The following KIAA1671 variants were observed in gnomAD, a reference collection of about 807,000 sequenced individuals.
The protein encoded by KIAA1671 is KIAA1671.
Under a neutral mutation model 131.2 loss-of-function variants are expected in KIAA1671, and 52 were observed. That is an observed-to-expected ratio of 0.40 (90% CI 0.32 to 0.50). KIAA1671 has a LOEUF of 0.50. Ranked by LOEUF, KIAA1671 falls within the 20% of genes least tolerant of loss-of-function variation. The probability of loss-of-function intolerance (pLI) is 0.73; values close to 1 mark genes in which losing one functional copy is unlikely to be tolerated. For missense variants in KIAA1671, 2,360 were observed against 2,364.2 expected (o/e 1.00, Z 0.04); for synonymous variants, 1,003 against 961.6 (o/e 1.04, Z -0.80).
intron 6 of KIAA1671, among the ~76,000 whole-genome samples, chr22:25,151,530 C>T (rs1173969455): frequency 1.4e-5 from 2 of 147,060 alleles, no homozygotes; most frequent in Non-Finnish European, 3.0e-5. Context: ...TGCCTGGGTT[C>T]AAGCGATTCT....
At chr22:25,002,814 C>CT (rs1190537550) in intron 1 of KIAA1671, among the ~76,000 whole-genome samples, 1 of 151,848 alleles carries the variant, frequency 6.6e-6, no homozygotes, top group Non-Finnish European at 1.5e-5. Flanking sequence ...GGATCTCACT[C>CT]TGTTACCCAG....
chr22:25,069,617 T>A (rs1928699783), intron 6 of KIAA1671, among the ~76,000 whole-genome samples: 1 of 152,204 alleles, frequency 6.6e-6, no homozygotes, highest in South Asian at 2.1e-4. Flanking sequence ...CCAAGTCCCT[T>A]GACTTCTCTG....
At position 25,028,781 on chromosome 22, in the gene KIAA1671, C is replaced by T. The variant is rs1006595701; in HGVS notation, c.782C>T (p.Ala261Val). 9.7e-6 allele frequency: 15 copies of T among 1,551,230 alleles called. No individual in the cohort carries two copies. Among genetic ancestry groups the T allele is most frequent in the Admixed American group, 7.8e-5 (4 of 51,014 alleles). ...IQPQKPGPGA[A>V]ATVGKVPPTP... ...CCTCAGAAGCCAGGCCCCGGCGCAGCGGCCACAGTGGGCAAAGTGCCACCC... is the reference window on the plus strand; with the variant it reads ...CCTCAGAAGCCAGGCCCCGGCGCAGTGGCCACAGTGGGCAAAGTGCCACCC... Residue 261 changes from alanine to valine, a missense_variant, in exon 3 of 13, where the codon GCG becomes GTG. This residue lies in a region of KIAA1671 where 1,185 missense variants were observed against 1,126.2 expected (regional missense o/e 1.05). Coordinates refer to ENST00000358431, the MANE Select transcript of KIAA1671 (RefSeq NM_001145206.2).
In KIAA1671 at chr22:25,029,649, A is replaced by G. The variant is rs1053976002; in HGVS notation, c.1541+109A>G. 1.5e-4 allele frequency: 120 copies of G among 787,342 alleles called. No homozygotes were observed. In the African/African-American group the frequency reaches 2.0e-3, roughly 13 times the overall value. The allele number at this position is 787,342 out of a possible 1,614,324, so 48.8% of individuals were successfully genotyped here. A position where few individuals can be genotyped will look rare whatever the true frequency, so the allele number is the denominator to read the frequency against. ...CTTGTCACCCCCCCTCAGTTTACCC[A>G]TAGCCCAAGAGGAGGTAGTGGCAGT... On this transcript the variant is annotated intron_variant, in intron 3 of 12. Transcript: ENST00000358431.
chr22:25,151,242 A>G (rs1304674706), intron 6 of KIAA1671, among the ~76,000 whole-genome samples: 2 of 151,606 alleles, frequency 1.3e-5, no homozygotes, highest in Non-Finnish European at 2.9e-5. Flanking sequence ...TCCCCTGGAA[A>G]TGATCCTTAT....
intron 1 of KIAA1671, among the ~76,000 whole-genome samples, chr22:24,954,918 T>C (rs1390959000): frequency 6.6e-6 from 1 of 152,008 alleles, no homozygotes; most frequent in Non-Finnish European, 1.5e-5. Context: ...GTGGCTGGGA[T>C]TACAGATGCC....
chr22:25,012,703 A>C (rs1925103007), intron 1 of KIAA1671: 1 of 152,200 alleles, frequency 6.6e-6, no homozygotes, highest in African/African-American at 2.4e-5. Flanking sequence ...CAATAAAAAC[A>C]ATCAGCTGCT....
chr22:25,064,637 T>C (rs959183021), intron 6 of KIAA1671: 3 of 152,224 alleles, frequency 2.0e-5, no homozygotes, highest in African/African-American at 4.8e-5. Flanking sequence ...ACCTGTTCTG[T>C]CTGCGCCCTG....
chr22:25,066,700 CAT>C (rs1184159253), intron 6 of KIAA1671, among the ~76,000 whole-genome samples: 3 of 152,122 alleles, frequency 2.0e-5, no homozygotes, highest in Admixed American at 1.3e-4. Flanking sequence ...TCTAGGTGGA[CAT>C]ATGTTTTTAG....
chr22:25,086,658 C>A (rs989959312), intron 6 of KIAA1671, among the ~76,000 whole-genome samples: 1 of 152,194 alleles, frequency 6.6e-6, no homozygotes, highest in African/African-American at 2.4e-5. Flanking sequence ...TCCACCCAAC[C>A]CCACTGCAGA....
chr22:25,034,119 C>G (rs942467233), intron 4 of KIAA1671, among the ~76,000 whole-genome samples: 1 of 150,048 alleles, frequency 6.7e-6, no homozygotes, highest in Non-Finnish European at 1.5e-5. Context: ...GATCTTGGCT[C>G]ACAGCAACAT....
At chr22:25,155,666 T>C (rs945897512) in intron 6 of KIAA1671, among the ~76,000 whole-genome samples, 1 of 152,092 alleles carries the variant, frequency 6.6e-6, no homozygotes, top group Non-Finnish European at 1.5e-5. Flanking sequence ...CATATGTAAG[T>C]ATTGTGTATG....
chr22:25,007,525 A>C (rs1200184494), intron 1 of KIAA1671, among the ~76,000 whole-genome samples: 2 of 150,338 alleles, frequency 1.3e-5, no homozygotes, highest in African/African-American at 4.9e-5. Flanking sequence ...GCTAGTGTTG[A>C]GGTAGGAGGC....
intron 1 of KIAA1671, chr22:25,023,274 C>G (rs1925771774): frequency 1.3e-5 from 2 of 151,732 alleles, no homozygotes; most frequent in Non-Finnish European, 2.9e-5. Flanking sequence ...GGTTAAGGCA[C>G]GAGAATCACT....
intron 6 of KIAA1671, among the ~76,000 whole-genome samples, chr22:25,115,588 G>A (rs1332532300): frequency 6.6e-6 from 1 of 152,076 alleles, no homozygotes; most frequent in Non-Finnish European, 1.5e-5. Context: ...GTTGCTTTTT[G>A]GGGGGCTCAG....
intron 1 of KIAA1671, among the ~76,000 whole-genome samples, chr22:24,986,995 C>T (rs556328953): frequency 6.6e-6 from 1 of 151,864 alleles, no homozygotes; most frequent in Non-Finnish European, 1.5e-5. Flanking sequence ...TGCTGACCTC[C>T]GCCGTTTACT....
At chr22:25,013,926 G>C (rs1925173820) in intron 1 of KIAA1671, 1 of 152,208 alleles carries the variant, frequency 6.6e-6, no homozygotes, top group Non-Finnish European at 1.5e-5. Context: ...GTCTGCCCCA[G>C]GGGAGGGAGT....
chr22:25,019,090 G>T (rs866904280), intron 1 of KIAA1671, among the ~76,000 whole-genome samples: 19 of 134,244 alleles, frequency 1.4e-4, no homozygotes, highest in African/African-American at 4.7e-4. Context: ...GTGTGTGTGT[G>T]TGTTTTAATT....
intron 6 of KIAA1671, among the ~76,000 whole-genome samples, chr22:25,152,631 G>T (rs1179688928): frequency 1.3e-5 from 2 of 152,134 alleles, no homozygotes; most frequent in African/African-American, 4.8e-5. Flanking sequence ...ACCTGGGTGA[G>T]TTGGTCTGTC....
Sources: gnomAD v4.1 joint callset for allele counts (sites outside exome capture counted in the v4.1 genomes callset) on GRCh38, gnomAD v4.1.1 for gene constraint, gnomAD v4.1.1 regional missense constraint, MANE v1.5 for transcripts, NCBI Gene and HGNC (gene_info 2026-07-23, HGNC 2026-07-21) for gene names.